Variants in MCM3 observed in about 807,000 individuals in gnomAD.
MCM3 encodes minichromosome maintenance complex component 3, also known as DNA replication licensing factor MCM3.
MCM3 carries 59 observed loss-of-function variants against 91.3 expected under a neutral mutation model. The observed-to-expected ratio is 0.65, with a 90% CI of 0.52 to 0.80. The LOEUF (loss-of-function observed/expected upper bound fraction) is 0.80. MCM3 is among the 30% of genes least tolerant of loss of function. The probability of loss-of-function intolerance (pLI) is 0.00; values close to 1 mark genes in which losing one functional copy is unlikely to be tolerated. For synonymous variants in MCM3, 383 were observed against 379.6 expected (o/e 1.01, Z -0.10); for missense variants, 919 against 1,035.4 (o/e 0.89, Z 1.54).
chr6:52,284,226 C>G lies in MCM3; in HGVS notation c.78+371G>C, dbSNP rs375003159. Among the ~76,000 whole-genome samples, 24 of 152,330 alleles carry G rather than the reference C, an allele frequency of 1.6e-4. 1 individual carries two copies. In the South Asian group the frequency reaches 4.4e-3, roughly 28 times the overall value. ...TCCCTAAAATCTGAGCACTCTGCAA[C>G]GCGGCTGGTCACTATAGCCCTAGGG... On this transcript the variant is annotated intron_variant, in intron 1 of 16. Transcript: ENST00000596288.
At chr6:52,276,158 A>C (rs1765540179) in intron 9 of MCM3, 110 bp downstream of exon 9, 1 of 957,328 alleles carries the variant, frequency 1.0e-6, no homozygotes. Flanking sequence ...CCTTACTTTT[A>C]GTCTTTGGCC....
chr6:52,276,194 T>TA (rs1645097774), intron 9 of MCM3, 74 bp downstream of exon 9: 1 of 1,375,396 alleles, frequency 7.3e-7, no homozygotes, highest in South Asian at 1.3e-5. Flanking sequence ...TCACCTAGAA[T>TA]ACACTTCTCA....
At chr6:52,268,039 G>A in intron 13 of MCM3, 71 bp from the exon 14 acceptor site, 2 of 1,610,118 alleles carry the variant, frequency 1.2e-6, no homozygotes, top group Admixed American at 3.3e-5. Context: ...AGAACTCCCA[G>A]TCCCTTCTGC....
At position 52,276,470 on chromosome 6, in the gene MCM3, C is replaced by T. The variant is rs146513110; in HGVS notation, c.1172G>A (p.Arg391His). 13 of 1,613,886 alleles carry T rather than the reference C, an allele frequency of 8.1e-6. No individual in the cohort carries two copies. Among genetic ancestry groups the T allele is most frequent in the Middle Eastern group, 1.7e-4 (1 of 6,056 alleles). The part of the protein sequence containing the change: ...AVTTDQETGE[R>H]RLEAGAMVLA... The stretch of plus-strand genomic sequence containing the variant: ...GACCATGGCCCCTGCTTCCAGACGG[C>T]GCTCTCCTGGGAAGTGAGAAGGTAA... Residue 391 changes from arginine to histidine, a missense_variant, in exon 9 of 17, where the codon CGC becomes CAC. Around this residue, in one of 3 missense-constraint regions of MCM3, gnomAD observed 233 missense variants for 321.2 expected, o/e 0.73. Transcript: ENST00000596288.
intron 16 of MCM3, 86 bp from the exon 17 acceptor site, chr6:52,264,872 T>C: frequency 1.8e-6 from 2 of 1,103,352 alleles, no homozygotes; most frequent in Non-Finnish European, 2.8e-6. Flanking sequence ...ATCCATAGTA[T>C]TAATACAGTA....
rs1364736742 is a variant in MCM3, at chr6:52,273,829, G to A, written c.1462C>T (p.Gln488Ter). Residue 488 changes from glutamine (Q) to a stop codon, truncating the protein, a stop_gained, in exon 10 of 17, where the codon CAG becomes TAG. Coordinates refer to ENST00000596288, the MANE Select transcript of MCM3 (RefSeq NM_002388.6). LOFTEE classifies it high-confidence loss of function. ...TCCCGATCCTGCTCAGGATCCATCT[G>A]ATCCAGCATGATGAAGAGCAAGTCA... ...RFDLLFIMLDQMDPEQDREIS... is the reference protein window; with the variant it reads ...RFDLLFIMLD The A allele has an allele frequency of 1.2e-6, 2 of 1,614,102 alleles. No individual in the cohort carries two copies. Among genetic ancestry groups the A allele is most frequent in the Non-Finnish European group, 1.7e-6 (2 of 1,179,970 alleles).
rs77113422 is a variant in MCM3 at position 52,277,131 on chromosome 6, G to C, written c.1101C>G (p.Pro367=). Residue 367 remains proline (P), a synonymous_variant, in exon 8 of 17, where the codon CCC becomes CCG. Transcript: ENST00000596288. ...YVLCTAPRAI[P]TTGRGSSGVG... is the part of the protein sequence containing the mutation. Reference sequence around the variant, plus strand: ...CTCCAGAGGAGCCCCGGCCAGTGGTGGGGATAGCTCGGGGTGCAGTGCAAA... The same window carrying C: ...CTCCAGAGGAGCCCCGGCCAGTGGTCGGGATAGCTCGGGGTGCAGTGCAAA... 6.8e-4 allele frequency: 1,096 copies of C among 1,614,090 alleles called. 6 individuals are homozygous for C. In the African/African-American group the frequency reaches 0.013, roughly 19 times the overall value.
Position 52,277,633 on chromosome 6 carries a change from T to TA in MCM3, c.934dup (p.Tyr312LeufsTer91), listed in dbSNP as rs1188224715. The TA allele has an allele frequency of 6.2e-7, 1 of 1,613,962 alleles. No individual in the cohort carries two copies. Among genetic ancestry groups the TA allele is most frequent in the African/African-American group, 1.3e-5 (1 of 74,896 alleles). The stretch of plus-strand genomic sequence containing the variant: ...CAAGCAGAGGATTGCTTTCTTGACA[T>TA]AGTCATGCCCATGGATACTTGGGGC... On this transcript the variant is annotated frameshift_variant, in exon 7 of 17. Coordinates refer to ENST00000596288, the MANE Select transcript of MCM3 (RefSeq NM_002388.6). LOFTEE classifies it high-confidence loss of function.
chr6:52,283,452 C>T (rs958601982), intron 1 of MCM3, 46 bp from the exon 2 acceptor site: 1 of 1,350,044 alleles, frequency 7.4e-7, no homozygotes, highest in Non-Finnish European at 1.1e-6. Context: ...AATTTAAAAA[C>T]AATGTTTCTA....
At chr6:52,271,015 A>G (rs181675176) in intron 12 of MCM3, among the ~76,000 whole-genome samples, 161 of 152,090 alleles carry the variant, frequency 1.1e-3, no homozygotes, top group African/African-American at 3.2e-3. Context: ...GATTGAGACC[A>G]GCCTGGTCAA....
chr6:52,273,217 T>C lies in MCM3; in HGVS notation c.1676+13A>G. On this transcript the variant is annotated intron_variant, in intron 11 of 16. Coordinates refer to ENST00000596288, the MANE Select transcript of MCM3 (RefSeq NM_002388.6). ...TTCAGGTTCCCTTGAGGAAGAGTTA[T>C]GAGAATGCTCACTTTTTCTTCTTGG... The C allele has an allele frequency of 6.2e-7, 1 of 1,614,184 alleles. No individual in the cohort carries two copies. The highest frequency in any genetic ancestry group is 8.5e-7 in the Non-Finnish European group (1 of 1,180,004).
chr6:52,264,771 C>T lies in MCM3; in HGVS notation c.2244G>A (p.Lys748=). ...CCCGGAACACATCCAAGAGGGCCACCTTGAATGCCTTCAACCTGCCCCAGA... is the reference window on the plus strand; with the variant it reads ...CCCGGAACACATCCAAGAGGGCCACTTTGAATGCCTTCAACCTGCCCCAGA... ...ELSESRLKAF[K]VALLDVFREA... Residue 748 remains lysine (K), a synonymous_variant, in exon 17 of 17, where the codon AAG becomes AAA. Coordinates refer to ENST00000596288, the MANE Select transcript of MCM3 (RefSeq NM_002388.6). 1 of 1,613,916 alleles carries T rather than the reference C, an allele frequency of 6.2e-7. No individual in the cohort carries two copies. Among genetic ancestry groups the T allele is most frequent in the Non-Finnish European group, 8.5e-7 (1 of 1,180,014 alleles).
Position 52,284,662 on chromosome 6 carries a change from C to T in MCM3, c.13G>A (p.Val5Met), listed in dbSNP as rs199986979. MAGTVVLDDVELREA... is the reference protein window; with the variant it reads MAGTMVLDDVELREA... ...CGCAGCTCCACATCGTCCAGCACCACGGTACCCGCCATGCCCGCTGCCAAA... is the reference window on the plus strand; with the variant it reads ...CGCAGCTCCACATCGTCCAGCACCATGGTACCCGCCATGCCCGCTGCCAAA... Residue 5 changes from valine to methionine, a missense_variant, in exon 1 of 17, where the codon GTG becomes ATG. By Grantham distance (21) the Val-to-Met change is conservative. Coordinates refer to ENST00000596288, the MANE Select transcript of MCM3 (RefSeq NM_002388.6). 1.8e-5 allele frequency: 29 copies of T among 1,586,216 alleles called. No homozygotes were observed. Among genetic ancestry groups the T allele is most frequent in the Non-Finnish European group, 2.5e-5 (29 of 1,166,924 alleles).
chr6:52,273,741 C>T lies in MCM3; in HGVS notation c.1549+1G>A. On this transcript the variant is annotated splice_donor_variant, in intron 10 of 16. Transcript: ENST00000596288. LOFTEE classifies it high-confidence loss of function. The stretch of plus-strand genomic sequence containing the variant: ...TACTCTTACTATTCTTATGGCCTCA[C>T]CATCGCCATCCTGCTCCCCAGGTGC... The T allele has an allele frequency of 6.2e-7, 1 of 1,607,518 alleles. No homozygotes were observed. Among genetic ancestry groups the T allele is most frequent in the Non-Finnish European group, 8.5e-7 (1 of 1,176,864 alleles).
chr6:52,264,781 T>C lies in MCM3; in HGVS notation c.2234A>G (p.Lys745Arg). 6.2e-7 allele frequency: 1 copy of C among 1,613,692 alleles called. No individual in the cohort carries two copies. Among genetic ancestry groups the C allele is most frequent in the Non-Finnish European group, 8.5e-7 (1 of 1,180,004 alleles). ...ATCCAAGAGGGCCACCTTGAATGCC[T>C]TCAACCTGCCCCAGACAGAAGAAAG... ...QKVELSESRL[K>R]AFKVALLDVF... The change falls in exon 17 of 17, where the codon AAG (lysine) becomes AGG (arginine). Residue 745 changes from lysine to arginine, a missense_variant. Transcript: ENST00000596288.
chr6:52,276,305 C>G lies in MCM3; in HGVS notation c.1337G>C (p.Cys446Ser). 2 of 1,612,748 alleles carry G rather than the reference C, an allele frequency of 1.2e-6. No homozygotes were observed. The highest frequency in any genetic ancestry group is 1.7e-6 in the Non-Finnish European group (2 of 1,179,898). The change falls in exon 9 of 17, where the codon TGC becomes TCC. Residue 446 changes from cysteine to serine, a missense_variant. Cys to Ser is a moderately radical substitution (Grantham distance 112, BLOSUM62 -1). Around this residue, in one of 3 missense-constraint regions of MCM3, gnomAD observed 233 missense variants for 321.2 expected, o/e 0.73. Transcript: ENST00000596288. ...AGGGTTGGCAGCTGCCAAAACACTG[C>G]AGCGGGCATTCAGCCGAGCATGGAT... is the stretch of plus-strand genomic sequence containing the variant. ...AGIHARLNARCSVLAAANPVY... is the reference protein window; with the variant it reads ...AGIHARLNARSSVLAAANPVY...
At chr6:52,279,336 A>C in intron 5 of MCM3, 25 bp downstream of exon 5, 1 of 1,580,678 alleles carries the variant, frequency 6.3e-7, no homozygotes, top group South Asian at 1.1e-5. Context: ...ACAGCATTCC[A>C]TATACTTTAA....
At chr6:52,275,287 G>T (rs1360514755) in intron 9 of MCM3, among the ~76,000 whole-genome samples, 1 of 152,190 alleles carries the variant, frequency 6.6e-6, no homozygotes, top group Non-Finnish European at 1.5e-5. Flanking sequence ...CCAGGACACA[G>T]CATGAGCTCT....
At chr6:52,281,687 AT>A (rs1766110968) in intron 4 of MCM3, among the ~76,000 whole-genome samples, 2 of 152,018 alleles carry the variant, frequency 1.3e-5, no homozygotes, top group South Asian at 4.1e-4. Flanking sequence ...AAAAAAAAAA[AT>A]AAGAATTGTG....
Sources: gnomAD v4.1 joint callset for allele counts (sites outside exome capture counted in the v4.1 genomes callset) on GRCh38, gnomAD v4.1.1 for gene constraint, gnomAD v4.1.1 regional missense constraint, MANE v1.5 for transcripts, NCBI Gene and HGNC (gene_info 2026-07-23, HGNC 2026-07-21) for gene names.